Variants in CUL1 observed in about 807,000 individuals in gnomAD.
The protein encoded by CUL1 is cullin 1, also known as cullin-1.
A neutral mutation model predicts 118.0 loss-of-function variants in CUL1; 24 were observed. That is an observed-to-expected ratio of 0.20 (90% CI 0.15 to 0.29). The LOEUF (loss-of-function observed/expected upper bound fraction) is 0.29. CUL1 is among the 10% of genes least tolerant of loss of function. The probability of loss-of-function intolerance (pLI) is 1.00; values close to 1 mark genes in which losing one functional copy is unlikely to be tolerated. For synonymous variants in CUL1, 332 were observed against 340.4 expected (o/e 0.98, Z 0.27); for missense variants, 361 against 933.8 (o/e 0.39, Z 7.99).
At chr7:148,759,142 C>G (rs1177978871) in intron 4 of CUL1, among the ~76,000 whole-genome samples, 162 bp from the exon 5 acceptor site, 1 of 152,190 alleles carries the variant, frequency 6.6e-6, no homozygotes, top group Non-Finnish European at 1.5e-5. Flanking sequence ...AAGTTGTTGA[C>G]TCTAGAGAGT....
At chr7:148,699,061 A>C (rs71532738) in intron 1 of CUL1, 32 bp downstream of exon 1, 2 of 150,780 alleles carry the variant, frequency 1.3e-5, no homozygotes, top group South Asian at 1.8e-4. Context: ...GGCCGAGAGG[A>C]GGTGGCGGCG....
intron 3 of CUL1, among the ~76,000 whole-genome samples, chr7:148,756,673 T>C (rs1296563130): frequency 1.3e-5 from 2 of 152,096 alleles, no homozygotes; most frequent in African/African-American, 4.8e-5. Flanking sequence ...ATACAGATGA[T>C]TTTGTGGTAT....
chr7:148,783,953 A>G lies in CUL1; in HGVS notation c.1192-18A>G, dbSNP rs527368911. On this transcript the variant is annotated intron_variant, in intron 10 of 21. Transcript: ENST00000325222. ...ATGGATGGGGCGTTTGTCTCTAACT[A>G]TATTCCGTGTAACGCAGGCTTGTGG... The G allele has an allele frequency of 1.2e-6, 2 of 1,613,952 alleles. No individual in the cohort carries two copies. The highest frequency in any genetic ancestry group is 1.3e-5 in the African/African-American group (1 of 75,016).
At chr7:148,765,873 G>A (rs1418010067) in intron 7 of CUL1, among the ~76,000 whole-genome samples, 1 of 152,134 alleles carries the variant, frequency 6.6e-6, no homozygotes, top group Non-Finnish European at 1.5e-5. Context: ...TTAATCTAAA[G>A]TACCACATCT....
At chr7:148,704,812 TTA>T in intron 1 of CUL1, among the ~76,000 whole-genome samples, 1 of 132,244 alleles carries the variant, frequency 7.6e-6, no homozygotes, top group African/African-American at 4.4e-5. Flanking sequence ...TAGCAGTAGG[TTA>T]TTATTTTTTT....
intron 1 of CUL1, among the ~76,000 whole-genome samples, chr7:148,729,293 T>C (rs539418577): frequency 7.9e-5 from 12 of 152,336 alleles, no homozygotes; most frequent in East Asian, 3.9e-4. Context: ...AGGAAAGTAA[T>C]TGGCCTCCAT....
At chr7:148,725,219 G>GCGCGCGCACACACACACACACA in intron 1 of CUL1, among the ~76,000 whole-genome samples, 105 of 140,140 alleles carry the variant, frequency 7.5e-4, no homozygotes, top group Admixed American at 1.3e-3. Flanking sequence ...ACACGCGCGC[G>GCGCGCGCACACACACACACACA]CTCACACACA....
At chr7:148,711,740 A>G (rs146389654) in intron 1 of CUL1, among the ~76,000 whole-genome samples, 15 of 152,348 alleles carry the variant, frequency 9.8e-5, no homozygotes, top group African/African-American at 3.1e-4. Flanking sequence ...GTGATACACT[A>G]GCTTCCAAAA....
chr7:148,730,086 G>A lies in CUL1; in HGVS notation c.-37G>A. 6.3e-7 allele frequency: 1 copy of A among 1,592,930 alleles called. No individual in the cohort carries two copies. The highest frequency in any genetic ancestry group is 2.3e-5 in the East Asian group (1 of 44,434). On this transcript the variant is annotated 5_prime_UTR_variant, in exon 2 of 22. Transcript: ENST00000325222. Reference sequence around the variant, plus strand: ...GAGAACTAGCTGTACTTTGAATAAGGATTGCTGCACTGGACGACTTTAGAA... The same window carrying A: ...GAGAACTAGCTGTACTTTGAATAAGAATTGCTGCACTGGACGACTTTAGAA...
chr7:148,711,209 C>T (rs1026929395), intron 1 of CUL1, among the ~76,000 whole-genome samples: 1 of 152,180 alleles, frequency 6.6e-6, no homozygotes, highest in Non-Finnish European at 1.5e-5. Flanking sequence ...CATACTCTCT[C>T]CCCAGTGTCC....
At chr7:148,729,106 C>A (rs530023227) in intron 1 of CUL1, among the ~76,000 whole-genome samples, 1 of 152,142 alleles carries the variant, frequency 6.6e-6, no homozygotes, top group Non-Finnish European at 1.5e-5. Context: ...TGGTTTGATA[C>A]AATATTGAAT....
chr7:148,712,846 A>G (rs1027318514), intron 1 of CUL1, among the ~76,000 whole-genome samples: 2 of 152,166 alleles, frequency 1.3e-5, no homozygotes, highest in Non-Finnish European at 1.5e-5. Flanking sequence ...GCATTTCCAT[A>G]TTAGCTGTTT....
chr7:148,702,029 AT>A (rs1797734550), intron 1 of CUL1, among the ~76,000 whole-genome samples: 2 of 152,194 alleles, frequency 1.3e-5, no homozygotes, highest in South Asian at 4.1e-4. Flanking sequence ...TTTTAAAAAC[AT>A]TTGGTAGTTT....
intron 1 of CUL1, among the ~76,000 whole-genome samples, chr7:148,726,041 A>G (rs139871243): frequency 5.3e-4 from 81 of 152,392 alleles, no homozygotes; most frequent in African/African-American, 1.9e-3. Flanking sequence ...GATGTGGCAT[A>G]AAGTTACCAT....
chr7:148,786,659 A>G (rs1800826048), intron 12 of CUL1, 60 bp downstream of exon 12: 3 of 1,396,400 alleles, frequency 2.1e-6, no homozygotes, highest in East Asian at 2.3e-5. Flanking sequence ...GCTGTTTGTA[A>G]TGTTATTTGT....
Position 148,703,182 on chromosome 7 carries a change from A to G in CUL1, c.-162+4153A>G, listed in dbSNP as rs117290825. 9.6e-3 allele frequency among the ~76,000 whole-genome samples: 1,462 copies of G among 152,326 alleles called. 16 individuals are homozygous for G. The highest frequency in any genetic ancestry group is 0.017 in the Non-Finnish European group (1,174 of 68,024). On this transcript the variant is annotated intron_variant, in intron 1 of 21. Transcript: ENST00000325222. ...TAAAATGAAAATGCTTTAAGGACTGATATCTGATCATTATGGCAGAATTCA... is the reference window on the plus strand; with the variant it reads ...TAAAATGAAAATGCTTTAAGGACTGGTATCTGATCATTATGGCAGAATTCA...
At chr7:148,770,189 A>G (rs1800161153) in intron 9 of CUL1, among the ~76,000 whole-genome samples, 1 of 152,256 alleles carries the variant, frequency 6.6e-6, no homozygotes. Flanking sequence ...TCCGTCAGCA[A>G]TGACAGCACA....
chr7:148,741,919 G>A (rs942178720), intron 2 of CUL1, among the ~76,000 whole-genome samples: 1 of 152,190 alleles, frequency 6.6e-6, no homozygotes, highest in African/African-American at 2.4e-5. Flanking sequence ...CATCCTAGTG[G>A]GAATGAAGTA....
intron 20 of CUL1, 42 bp downstream of exon 20, chr7:148,798,719 C>A (rs765261553): frequency 1.3e-6 from 2 of 1,523,534 alleles, no homozygotes; most frequent in Non-Finnish European, 1.8e-6. Flanking sequence ...CTGTCCCTCA[C>A]GCAGGGATGG....
Sources: allele counts gnomAD v4.1 joint callset (sites outside exome capture counted in the v4.1 genomes callset), GRCh38; gene constraint gnomAD v4.1.1; transcripts MANE v1.5; gene names NCBI Gene and HGNC (gene_info 2026-07-23, HGNC 2026-07-21).